Variants in MYO1E observed in about 807,000 individuals in gnomAD.
MYO1E encodes unconventional myosin-Ie.
Under a neutral mutation model 151.1 loss-of-function variants are expected in MYO1E, and 68 were observed. The ratio of observed to expected loss-of-function variants is 0.45; its 90% CI spans 0.37 to 0.55. The LOEUF is 0.55. Among genes scored for constraint, MYO1E ranks in the 20% least tolerant of loss-of-function variants. The pLI is 0.00. For missense variants in MYO1E, 1,363 were observed against 1,389.3 expected (o/e 0.98, Z 0.30); for synonymous variants, 601 against 501.7 (o/e 1.20, Z -2.64).
chr15:59,177,867 C>G (rs867169543), intron 19 of MYO1E, among the ~76,000 whole-genome samples: 31 of 152,228 alleles, frequency 2.0e-4, no homozygotes, highest in African/African-American at 7.0e-4. Flanking sequence ...TAGGCTCCCC[C>G]ACAGCCTTCT....
chr15:59,147,228 C>T (rs1170229321), intron 26 of MYO1E, among the ~76,000 whole-genome samples: 1 of 152,180 alleles, frequency 6.6e-6, no homozygotes, highest in Non-Finnish European at 1.5e-5. Flanking sequence ...GGGCTAATTC[C>T]CTCTGCCCTA....
intron 17 of MYO1E, among the ~76,000 whole-genome samples, chr15:59,189,129 G>C (rs1315951550): frequency 6.6e-6 from 1 of 151,516 alleles, no homozygotes; most frequent in Non-Finnish European, 1.5e-5. Flanking sequence ...TGATGTGATA[G>C]CTCACTGCAG....
intron 25 of MYO1E, 30 bp downstream of exon 25, chr15:59,158,257 G>T: frequency 6.7e-7 from 1 of 1,497,732 alleles, no homozygotes; most frequent in South Asian, 1.2e-5. Context: ...AGATTTAGTG[G>T]TCCCAGACTA....
At position 59,207,769 on chromosome 15, in the gene MYO1E, A is replaced by T. The variant is rs774435907; in HGVS notation, c.1530+912T>A. 2.5e-6 allele frequency: 4 copies of T among 1,614,158 alleles called. No homozygotes were observed. The South Asian group carries it at 4.4e-5, about 18-fold the overall frequency. ...AACTGATAAAGATCCTGAGCAATGG[A>T]AAAATGTCCACAAAGAAGTGACTGC... On this transcript the variant is annotated intron_variant, in intron 14 of 27. Transcript: ENST00000288235.
chr15:59,208,149 A>G, intron 14 of MYO1E: 2 of 1,404,770 alleles, frequency 1.4e-6, no homozygotes, highest in African/African-American at 1.5e-5. Flanking sequence ...TTATATAACG[A>G]AATTTTGAAT....
intron 1 of MYO1E, 39 bp downstream of exon 1, chr15:59,372,459 C>G: frequency 6.5e-7 from 1 of 1,537,222 alleles, no homozygotes; most frequent in Non-Finnish European, 8.7e-7. Flanking sequence ...TGCCCCGTCC[C>G]CGGGTCCGGC....
intron 18 of MYO1E, among the ~76,000 whole-genome samples, chr15:59,178,805 T>C (rs1163421926): frequency 6.6e-6 from 1 of 152,212 alleles, no homozygotes; most frequent in Non-Finnish European, 1.5e-5. Context: ...TGCGTACTCT[T>C]TCTACCACTG....
intron 1 of MYO1E, among the ~76,000 whole-genome samples, chr15:59,335,304 T>C (rs1423718698): frequency 6.6e-6 from 1 of 151,472 alleles, no homozygotes; most frequent in Non-Finnish European, 1.5e-5. Context: ...TGGACTAGCA[T>C]CAAAGAGTGT....
intron 26 of MYO1E, among the ~76,000 whole-genome samples, chr15:59,140,592 A>T (rs1011129082): frequency 1.3e-5 from 2 of 152,200 alleles, no homozygotes; most frequent in Non-Finnish European, 1.5e-5. Context: ...AGGAAAAGGG[A>T]GGGCCTTCCT....
intron 9 of MYO1E, among the ~76,000 whole-genome samples, chr15:59,218,732 G>C (rs1156416289): frequency 2.6e-5 from 4 of 152,218 alleles, no homozygotes; most frequent in Admixed American, 2.6e-4. Context: ...AAGATCTGGA[G>C]AAATTAGAAC....
intron 23 of MYO1E, 95 bp downstream of exon 23, chr15:59,163,062 G>A (rs1235383218): frequency 7.7e-6 from 11 of 1,430,512 alleles, no homozygotes; most frequent in African/African-American, 1.4e-5. Context: ...TCTTCTCCTC[G>A]CAGGCCTCCT....
At chr15:59,188,383 C>T (rs952876662) in intron 17 of MYO1E, among the ~76,000 whole-genome samples, 167 bp from the exon 18 acceptor site, 44 of 152,214 alleles carry the variant, frequency 2.9e-4, no homozygotes, top group Non-Finnish European at 2.8e-4. Context: ...TGACATAATG[C>T]TAATTTTTAA....
intron 2 of MYO1E, among the ~76,000 whole-genome samples, chr15:59,266,328 G>A (rs1159143937): frequency 6.6e-6 from 1 of 152,046 alleles, no homozygotes; most frequent in African/African-American, 2.4e-5. Flanking sequence ...TTTTCAAACT[G>A]CATAAAGATA....
chr15:59,355,931 C>A lies in MYO1E; in HGVS notation c.3+16567G>T, dbSNP rs553272705. On this transcript the variant is annotated intron_variant, in intron 1 of 27. Coordinates refer to ENST00000288235, the MANE Select transcript of MYO1E (RefSeq NM_004998.4). ...ACGGGGTCTCACAATGTTGCCCAGG[C>A]TGGTTTCGAATGCCTGGGCTCAAGC... Among the ~76,000 whole-genome samples, 6 of 152,246 alleles carry A rather than the reference C, an allele frequency of 3.9e-5. No homozygotes were observed. In the Middle Eastern group the frequency reaches 0.02, roughly 518 times the overall value.
intron 1 of MYO1E, among the ~76,000 whole-genome samples, chr15:59,358,530 C>T (rs2080867488): frequency 6.6e-6 from 1 of 152,130 alleles, no homozygotes; most frequent in Non-Finnish European, 1.5e-5. Context: ...AGTTTTTCTA[C>T]ACCCCAAGCC....
chr15:59,220,923 C>A (rs1291759927), intron 9 of MYO1E, among the ~76,000 whole-genome samples: 5 of 28,898 alleles, frequency 1.7e-4, no homozygotes, highest in East Asian at 1.3e-3. Flanking sequence ...GACCCCATCT[C>A]TTAAAAAAAA....
intron 2 of MYO1E, among the ~76,000 whole-genome samples, chr15:59,270,498 G>C (rs1178336576): frequency 1.4e-5 from 2 of 147,364 alleles, no homozygotes; most frequent in Non-Finnish European, 3.0e-5. Context: ...AGCTGGGATC[G>C]TGCCACTGCA....
intron 2 of MYO1E, among the ~76,000 whole-genome samples, chr15:59,261,742 T>C (rs1367079197): frequency 6.6e-6 from 1 of 152,202 alleles, no homozygotes; most frequent in Non-Finnish European, 1.5e-5. Context: ...AAATCATTAT[T>C]TTAAATGAAC....
chr15:59,363,911 A>G (rs1567025597), intron 1 of MYO1E, among the ~76,000 whole-genome samples: 1 of 152,128 alleles, frequency 6.6e-6, no homozygotes, highest in Non-Finnish European at 1.5e-5. Context: ...AGTAGCTGGG[A>G]TTACAGGTGC....
Sources: gnomAD v4.1 joint callset for allele counts (sites outside exome capture counted in the v4.1 genomes callset) on GRCh38, gnomAD v4.1.1 for gene constraint, MANE v1.5 for transcripts, NCBI Gene and HGNC (gene_info 2026-07-23, HGNC 2026-07-21) for gene names.